LGR4: variants seen among roughly 807,000 people sequenced by gnomAD.
LGR4 encodes the protein leucine rich repeat containing G protein-coupled receptor 4.
Under a neutral mutation model 84.8 loss-of-function variants are expected in LGR4, and 44 were observed. That is an observed-to-expected ratio of 0.52 (90% CI 0.41 to 0.67). The LOEUF (loss-of-function observed/expected upper bound fraction) is 0.67. Ranked by LOEUF, LGR4 falls within the 30% of genes least tolerant of loss-of-function variation. The probability of loss-of-function intolerance (pLI) is 0.00; values close to 1 mark genes in which losing one functional copy is unlikely to be tolerated. For missense variants in LGR4, 1,032 were observed against 1,131.4 expected, an observed-to-expected ratio of 0.91 and a Z score of 1.26; for synonymous variants, 429 against 434.3, an observed-to-expected ratio of 0.99 and a Z score of 0.15.
At chr11:27,409,064 A>C (rs776585870) in intron 2 of LGR4, among the ~76,000 whole-genome samples, 1 of 152,132 alleles carries the variant, frequency 6.6e-6, no homozygotes, top group Non-Finnish European at 1.5e-5. Flanking sequence ...TATACAGAAG[A>C]AGCAGGATTG....
At chr11:27,422,957 C>A (rs768508902) in intron 1 of LGR4, among the ~76,000 whole-genome samples, 64 of 152,278 alleles carry the variant, frequency 4.2e-4, no homozygotes, top group Non-Finnish European at 8.1e-4. Context: ...CACTCTGCTA[C>A]TCCTGGGTTC....
intron 11 of LGR4, 75 bp from the exon 12 acceptor site, chr11:27,377,298 G>C (rs10835171): frequency 1.4e-6 from 1 of 730,964 alleles, no homozygotes; most frequent in African/African-American, 1.8e-5. Flanking sequence ...ACTCAGAAGC[G>C]TTGAAAGCAG....
chr11:27,376,158 T>TAG (rs75222730), intron 13 of LGR4, 141 bp downstream of exon 13: 161,229 of 542,894 alleles, frequency 0.3, 26,330 homozygotes, highest in East Asian at 0.49. Context: ...TTGTATTTAG[T>TAG]AGAGATGGGG....
At chr11:27,446,644 A>G (rs1864395174) in intron 1 of LGR4, among the ~76,000 whole-genome samples, 1 of 152,250 alleles carries the variant, frequency 6.6e-6, no homozygotes, top group African/African-American at 2.4e-5. Context: ...TCAAGGATCT[A>G]GAACTAGAAA....
intron 1 of LGR4, among the ~76,000 whole-genome samples, chr11:27,421,565 A>G (rs1188841459): frequency 6.6e-6 from 1 of 152,234 alleles, no homozygotes; most frequent in Non-Finnish European, 1.5e-5. Flanking sequence ...AGTGAGGATA[A>G]AACACTGGTG....
At chr11:27,456,329 T>C (rs925362403) in intron 1 of LGR4, among the ~76,000 whole-genome samples, 2 of 151,134 alleles carry the variant, frequency 1.3e-5, no homozygotes, top group African/African-American at 4.9e-5. Context: ...CACACAGTGT[T>C]CGAGTCAACT....
intron 1 of LGR4, among the ~76,000 whole-genome samples, chr11:27,440,814 T>G (rs1864293763): frequency 6.6e-6 from 1 of 152,132 alleles, no homozygotes; most frequent in Non-Finnish European, 1.5e-5. Context: ...CAATATCACC[T>G]GGAAATTTGC....
intron 2 of LGR4, among the ~76,000 whole-genome samples, chr11:27,402,090 A>G (rs1444020170): frequency 1.3e-5 from 2 of 152,124 alleles, no homozygotes; most frequent in East Asian, 3.9e-4. Context: ...ACACCCATTC[A>G]CGCCTTCCTG....
At chr11:27,455,749 T>C (rs996038199) in intron 1 of LGR4, among the ~76,000 whole-genome samples, 1 of 152,166 alleles carries the variant, frequency 6.6e-6, no homozygotes, top group Admixed American at 6.5e-5. Context: ...GGAAGAGCAC[T>C]GAAAGATACT....
chr11:27,385,541 A>ATT (rs1374949382), intron 4 of LGR4, 73 bp from the exon 5 acceptor site: 1 of 898,248 alleles, frequency 1.1e-6, no homozygotes, highest in Non-Finnish European at 1.7e-6. Flanking sequence ...CTCACAACTC[A>ATT]AAGCTTTCAA....
intron 2 of LGR4, among the ~76,000 whole-genome samples, chr11:27,401,885 C>T (rs1328174026): frequency 1.3e-5 from 2 of 152,152 alleles, no homozygotes; most frequent in Non-Finnish European, 2.9e-5. Context: ...CACTGACACA[C>T]TTGAAGCACG....
At chr11:27,449,397 A>G (rs1864444995) in intron 1 of LGR4, among the ~76,000 whole-genome samples, 2 of 152,168 alleles carry the variant, frequency 1.3e-5, no homozygotes, top group South Asian at 4.1e-4. Flanking sequence ...AGCCTGGGCA[A>G]CACAGCGAGA....
In LGR4 at chr11:27,472,313, G is replaced by C; in HGVS notation, c.-11C>G. 1 of 1,198,270 alleles carries C rather than the reference G, an allele frequency of 8.3e-7. No homozygotes were observed. The highest frequency in any genetic ancestry group is 1.0e-6 in the Non-Finnish European group (1 of 966,672). 74.2% of individuals were successfully genotyped at this position (1,198,270 alleles called of 1,614,324 possible). A position where few individuals can be genotyped will look rare whatever the true frequency, so the allele number is the denominator to read the frequency against. ...TAGCGGGCCCGGCATTGCTGCGGCC[G>C]CCTCCCGCGCCGGCCTCTCCCGCGG... is the stretch of plus-strand genomic sequence containing the variant. On this transcript the variant is annotated 5_prime_UTR_variant, in exon 1 of 18. Transcript: ENST00000379214.
intron 1 of LGR4, among the ~76,000 whole-genome samples, chr11:27,428,465 T>C (rs1864062561): frequency 6.6e-6 from 1 of 152,206 alleles, no homozygotes; most frequent in Non-Finnish European, 1.5e-5. Flanking sequence ...TGGAATAAAA[T>C]GGATTATGTT....
chr11:27,383,823 T>C (rs1299159149), intron 6 of LGR4, among the ~76,000 whole-genome samples: 7 of 152,242 alleles, frequency 4.6e-5, no homozygotes, highest in Non-Finnish European at 1.0e-4. Context: ...ACTTATATAG[T>C]GGTGCAATGT....
At position 27,384,411 on chromosome 11, in the gene LGR4, A is replaced by C; in HGVS notation, c.618-4T>G. On this transcript the variant is annotated splice_polypyrimidine_tract_variant and splice_region_variant and intron_variant, in intron 5 of 17. Coordinates refer to ENST00000379214, the MANE Select transcript of LGR4 (RefSeq NM_018490.5). ...AATTTTATTGTTATGAAGATGCCTA[A>C]GGGGGAAAAAAAGCATAAAATGACT... The C allele has an allele frequency of 6.2e-7, 1 of 1,601,092 alleles. No homozygotes were observed. Among genetic ancestry groups the C allele is most frequent in the East Asian group, 2.2e-5 (1 of 44,698 alleles).
chr11:27,446,413 A>C (rs914818561), intron 1 of LGR4, among the ~76,000 whole-genome samples: 2 of 152,236 alleles, frequency 1.3e-5, no homozygotes, highest in Non-Finnish European at 2.9e-5. Flanking sequence ...ACATTTATGC[A>C]GCCAAAAGAC....
At chr11:27,452,545 A>AAAACAG (rs1864497617) in intron 1 of LGR4, among the ~76,000 whole-genome samples, 1 of 151,004 alleles carries the variant, frequency 6.6e-6, no homozygotes, top group African/African-American at 2.4e-5. Context: ...CAACCCTAGC[A>AAAACAG]ACCACTGGTC....
intron 1 of LGR4, among the ~76,000 whole-genome samples, chr11:27,439,361 A>C (rs1391681657): frequency 6.6e-6 from 1 of 152,210 alleles, no homozygotes; most frequent in Non-Finnish European, 1.5e-5. Context: ...GCATGTCTTC[A>C]AAGTTCATCC....
Sources: gnomAD v4.1 joint callset for allele counts (sites outside exome capture counted in the v4.1 genomes callset) on GRCh38, gnomAD v4.1.1 for gene constraint, MANE v1.5 for transcripts, NCBI Gene and HGNC (gene_info 2026-07-23, HGNC 2026-07-21) for gene names.